The following RMND1 variants were observed in gnomAD, a reference collection of about 807,000 sequenced individuals.
RMND1 encodes required for meiotic nuclear division protein 1 homolog.
RMND1 carries 41 observed loss-of-function variants against 54.0 expected under a neutral mutation model. The observed-to-expected ratio is 0.76, with a 90% CI of 0.59 to 0.98. RMND1 has a LOEUF of 0.98. RMND1 is among the 50% of genes least tolerant of loss of function. The pLI is 0.00. For synonymous variants in RMND1, 183 were observed against 181.7 expected, an observed-to-expected ratio of 1.01 and a Z score of -0.06; for missense variants, 457 against 532.0, an observed-to-expected ratio of 0.86 and a Z score of 1.39.
chr6:151,418,944 A>AT (rs1243945828), intron 9 of RMND1, among the ~76,000 whole-genome samples: 2 of 151,386 alleles, frequency 1.3e-5, no homozygotes, highest in African/African-American at 4.9e-5. Flanking sequence ...CTAATTTTGT[A>AT]TTTTTAGTAA....
chr6:151,424,923 G>T lies in RMND1; in HGVS notation c.831-1292C>A, dbSNP rs933200422. 4.6e-5 allele frequency among the ~76,000 whole-genome samples: 7 copies of T among 152,310 alleles called. 1 individual carries two copies. The South Asian group carries it at 1.5e-3, about 32-fold the overall frequency. ...CTATGACAGCCTCAGATGGAGGAAGGAAAGCAAAGACAGCAGTCACAAGAG... is the reference window on the plus strand; with the variant it reads ...CTATGACAGCCTCAGATGGAGGAAGTAAAGCAAAGACAGCAGTCACAAGAG... On this transcript the variant is annotated intron_variant, in intron 6 of 11. Transcript: ENST00000444024.
chr6:151,447,795 C>T (rs62444266), intron 1 of RMND1, among the ~76,000 whole-genome samples: 1,709 of 147,874 alleles, frequency 0.012, 17 homozygotes, highest in Non-Finnish European at 0.019. Context: ...TCTTTTTATT[C>T]TCTTTGAGTA....
At position 151,425,004 on chromosome 6, in the gene RMND1, G is replaced by A. The variant is rs748290453; in HGVS notation, c.831-1373C>T. Reference sequence around the variant, plus strand: ...GTCACCCAGACTGGAGTGTAGTGGCGTGATCTTCGCTCACTGCAACCTCCG... The same window carrying A: ...GTCACCCAGACTGGAGTGTAGTGGCATGATCTTCGCTCACTGCAACCTCCG... On this transcript the variant is annotated intron_variant, in intron 6 of 11. Transcript: ENST00000444024. 5.9e-5 allele frequency among the ~76,000 whole-genome samples: 9 copies of A among 152,158 alleles called. 1 individual carries two copies. In the South Asian group the frequency reaches 1.2e-3, roughly 21 times the overall value.
chr6:151,445,912 G>T, intron 1 of RMND1, 87 bp from the exon 2 acceptor site: 1 of 1,253,292 alleles, frequency 8.0e-7, no homozygotes. Flanking sequence ...GCATATTTCT[G>T]TTAGAAAAAT....
chr6:151,451,014 AAG>A (rs1210421038), intron 1 of RMND1, among the ~76,000 whole-genome samples: 1 of 152,106 alleles, frequency 6.6e-6, no homozygotes, highest in African/African-American at 2.4e-5. Context: ...CGTGCTGGTT[AAG>A]AGTCATCACC....
chr6:151,413,525 C>A (rs1014598273), intron 10 of RMND1, among the ~76,000 whole-genome samples: 6 of 152,242 alleles, frequency 3.9e-5, no homozygotes, highest in Non-Finnish European at 1.5e-5. Context: ...CAGGCGTGAG[C>A]CACCGTGCCC....
At chr6:151,405,395 G>A in intron 11 of RMND1, 128 bp from the exon 12 acceptor site, 2 of 834,012 alleles carry the variant, frequency 2.4e-6, no homozygotes, top group Non-Finnish European at 3.9e-6. Flanking sequence ...TTCTCACGTG[G>A]CAACCTATGA....
At chr6:151,411,913 A>G (rs767673401) in intron 10 of RMND1, 27 of 152,208 alleles carry the variant, frequency 1.8e-4, no homozygotes, top group African/African-American at 3.6e-4. Flanking sequence ...TTCAAAACCA[A>G]TGTGGTAGGC....
chr6:151,447,636 A>T (rs1195135659), intron 1 of RMND1, among the ~76,000 whole-genome samples: 1 of 152,232 alleles, frequency 6.6e-6, no homozygotes, highest in African/African-American at 2.4e-5. Flanking sequence ...CTGCTTCCAA[A>T]ATCCCTTCAA....
intron 1 of RMND1, 31 bp from the exon 2 acceptor site, chr6:151,445,856 T>C: frequency 1.3e-6 from 2 of 1,489,948 alleles, no homozygotes; most frequent in Non-Finnish European, 1.8e-6. Flanking sequence ...AGTTCAAGTT[T>C]TTAAATTAAT....
At chr6:151,419,174 C>T (rs544165880) in intron 9 of RMND1, among the ~76,000 whole-genome samples, 1 of 152,172 alleles carries the variant, frequency 6.6e-6, no homozygotes, top group South Asian at 2.1e-4. Context: ...AACCAATTCT[C>T]ATGCCTCAGC....
intron 2 of RMND1, among the ~76,000 whole-genome samples, chr6:151,443,561 G>A (rs1251406787): frequency 2.0e-5 from 3 of 152,072 alleles, no homozygotes; most frequent in Admixed American, 1.3e-4. Context: ...TCGCCTGCCT[G>A]GGCCTCCCAA....
intron 6 of RMND1, among the ~76,000 whole-genome samples, chr6:151,425,732 G>C (rs934466936): frequency 5.3e-5 from 8 of 152,118 alleles, no homozygotes; most frequent in African/African-American, 1.9e-4. Context: ...TGGCAAGACA[G>C]GATTCAATAA....
chr6:151,442,763 C>A (rs59843909), intron 2 of RMND1, among the ~76,000 whole-genome samples: 1,862 of 147,964 alleles, frequency 0.013, 37 homozygotes, highest in African/African-American at 0.044. Context: ...TGGTCTTCAA[C>A]TCCTGGCCTC....
Position 151,440,411 on chromosome 6 carries a change from T to C in RMND1, c.505-3857A>G, listed in dbSNP as rs73783015. 9.6e-3 allele frequency among the ~76,000 whole-genome samples: 1,456 copies of C among 152,352 alleles called. 24 individuals are homozygous for C. Among genetic ancestry groups the C allele is most frequent in the African/African-American group, 0.034 (1,394 of 41,566 alleles). On this transcript the variant is annotated intron_variant, in intron 2 of 11. Coordinates refer to ENST00000444024, the MANE Select transcript of RMND1 (RefSeq NM_017909.4). ...ACACTAACGGCAAATTGAGAATGTG[T>C]ACTATTTTCAACTCTCAAGGACAGG...
chr6:151,449,369 GAAA>G (rs111743448), intron 1 of RMND1, among the ~76,000 whole-genome samples: 6 of 111,770 alleles, frequency 5.4e-5, no homozygotes, highest in Middle Eastern at 4.9e-3. Flanking sequence ...ATTCTGTAAC[GAAA>G]AAAAAAAAAA....
intron 10 of RMND1, among the ~76,000 whole-genome samples, chr6:151,414,929 T>C (rs114899386): frequency 0.011 from 1,749 of 152,258 alleles, 29 homozygotes; most frequent in African/African-American, 0.039. Context: ...CCTAGAATCC[T>C]ATTTCTAGGA....
chr6:151,405,762 T>C lies in RMND1; in HGVS notation c.1275A>G (p.Ala425=), dbSNP rs779633331. The C allele has an allele frequency of 3.1e-6, 5 of 1,609,484 alleles. 1 individual carries two copies. In the South Asian group the frequency reaches 5.5e-5, roughly 18 times the overall value. The change falls in exon 11 of 12, where the codon GCA becomes GCG. Residue 425 remains alanine, a synonymous_variant. Coordinates refer to ENST00000444024, the MANE Select transcript of RMND1 (RefSeq NM_017909.4). ...LMRNHLNEKR[A]LRLEWMIVIL... ...TGACAATCATCCACTCCAAGCGGAG[T>C]GCCCTCTTCTCATTCAGGTGATTCC...
At chr6:151,441,043 A>C (rs1780763625) in intron 2 of RMND1, among the ~76,000 whole-genome samples, 1 of 152,216 alleles carries the variant, frequency 6.6e-6, no homozygotes, top group Non-Finnish European at 1.5e-5. Context: ...CTACTTCAAA[A>C]TGTTTTAAAA....
Sources: allele counts gnomAD v4.1 joint callset (sites outside exome capture counted in the v4.1 genomes callset), GRCh38; gene constraint gnomAD v4.1.1; transcripts MANE v1.5; gene names NCBI Gene and HGNC (gene_info 2026-07-23, HGNC 2026-07-21).